Variants in PARN observed in about 807,000 individuals in gnomAD.
PARN encodes the protein poly(A)-specific ribonuclease PARN.
Under a neutral mutation model 102.8 loss-of-function variants are expected in PARN, and 71 were observed. The observed-to-expected ratio is 0.69, with a 90% CI of 0.57 to 0.84. The LOEUF (loss-of-function observed/expected upper bound fraction) is 0.84, where lower values mean the gene tolerates loss of function less well. Among genes scored for constraint, PARN ranks in the 40% least tolerant of loss-of-function variants. The probability of loss-of-function intolerance (pLI) is 0.00; values close to 1 mark genes in which losing one functional copy is unlikely to be tolerated. For synonymous variants in PARN, 261 were observed against 252.9 expected, an observed-to-expected ratio of 1.03 and a Z score of -0.30; for missense variants, 782 against 760.9, an observed-to-expected ratio of 1.03 and a Z score of -0.33.
At chr16:14,629,826 G>GGACTT in intron 1 of PARN, among the ~76,000 whole-genome samples, 152 bp from the exon 2 acceptor site, 1 of 152,344 alleles carries the variant, frequency 6.6e-6, no homozygotes, top group East Asian at 1.9e-4. Flanking sequence ...AAGTCCTCGA[G>GGACTT]GGGTGCATGG....
chr16:14,532,786 G>GGGC (rs1243265461), intron 21 of PARN, among the ~76,000 whole-genome samples: 2 of 150,914 alleles, frequency 1.3e-5, no homozygotes, highest in East Asian at 4.0e-4. Context: ...CTCCTGGACG[G>GGGC]GGCGGCTGGC....
chr16:14,577,391 T>C (rs1345568053), intron 18 of PARN, among the ~76,000 whole-genome samples: 3 of 152,050 alleles, frequency 2.0e-5, no homozygotes, highest in Admixed American at 2.0e-4. Context: ...GAAGCAATTG[T>C]TTTTCCTTCT....
intron 7 of PARN, among the ~76,000 whole-genome samples, chr16:14,609,481 G>A (rs956859575): frequency 1.2e-4 from 18 of 152,070 alleles, no homozygotes; most frequent in Non-Finnish European, 2.5e-4. Flanking sequence ...GGAGGTGGGA[G>A]GATCACCTGA....
intron 22 of PARN, among the ~76,000 whole-genome samples, chr16:14,477,699 A>G (rs762966643): frequency 2.6e-5 from 4 of 151,546 alleles, no homozygotes; most frequent in Non-Finnish European, 5.9e-5. Context: ...AAATTGCTTG[A>G]ACCAGGGAGT....
chr16:14,485,977 C>A (rs114410910), intron 21 of PARN, among the ~76,000 whole-genome samples: 2 of 152,174 alleles, frequency 1.3e-5, no homozygotes, highest in Non-Finnish European at 2.9e-5. Flanking sequence ...CGTGAGCCAC[C>A]GTGCCTGGCC....
At chr16:14,547,080 G>C (rs1386179968) in intron 21 of PARN, among the ~76,000 whole-genome samples, 4 of 148,338 alleles carry the variant, frequency 2.7e-5, no homozygotes, top group Admixed American at 1.4e-4. Context: ...GCAACAGAGA[G>C]AGACCCTGTC....
chr16:14,543,412 T>G (rs1204246673), intron 21 of PARN, among the ~76,000 whole-genome samples: 3 of 152,012 alleles, frequency 2.0e-5, no homozygotes, highest in Non-Finnish European at 4.4e-5. Flanking sequence ...AATATCTGAC[T>G]AAATATTTTC....
chr16:14,544,826 C>T (rs1371398681), intron 21 of PARN, among the ~76,000 whole-genome samples: 3 of 152,142 alleles, frequency 2.0e-5, no homozygotes, highest in African/African-American at 7.2e-5. Flanking sequence ...GACAATTCTA[C>T]AATCACAGGC....
intron 2 of PARN, among the ~76,000 whole-genome samples, chr16:14,629,199 G>A (rs1461749535): frequency 6.6e-6 from 1 of 152,192 alleles, no homozygotes; most frequent in Non-Finnish European, 1.5e-5. Context: ...GATGGATGGT[G>A]ATGTTTGCAC....
intron 22 of PARN, among the ~76,000 whole-genome samples, chr16:14,456,978 G>A (rs994033363): frequency 6.6e-6 from 1 of 152,126 alleles, no homozygotes; most frequent in Non-Finnish European, 1.5e-5. Flanking sequence ...CGTTCCATGA[G>A]AGCAGGCTCT....
chr16:14,612,690 C>T (rs1971590038), intron 6 of PARN, among the ~76,000 whole-genome samples: 2 of 151,812 alleles, frequency 1.3e-5, no homozygotes, highest in Non-Finnish European at 2.9e-5. Flanking sequence ...CGCCACCTCT[C>T]GGGTTCAGGC....
intron 21 of PARN, among the ~76,000 whole-genome samples, chr16:14,487,274 C>T (rs1963764581): frequency 6.6e-6 from 1 of 152,218 alleles, no homozygotes; most frequent in Non-Finnish European, 1.5e-5. Context: ...CAGGATGTGG[C>T]ATTTATATAT....
At chr16:14,587,105 ATTCATGC>A (rs2151758200) in intron 13 of PARN, among the ~76,000 whole-genome samples, 1 of 152,330 alleles carries the variant, frequency 6.6e-6, no homozygotes, top group Admixed American at 6.5e-5. Context: ...CTTCAATGTT[ATTCATGC>A]TTCATAGGAA....
chr16:14,499,926 AT>A (rs758025799), intron 21 of PARN, among the ~76,000 whole-genome samples: 56 of 152,388 alleles, frequency 3.7e-4, no homozygotes, highest in South Asian at 1.2e-3. Context: ...TGAATATTTT[AT>A]AACATTGTAT....
At chr16:14,559,075 TG>T (rs1305710450) in intron 18 of PARN, among the ~76,000 whole-genome samples, 2 of 152,034 alleles carry the variant, frequency 1.3e-5, no homozygotes, top group Non-Finnish European at 2.9e-5. Flanking sequence ...TTGCAATTCT[TG>T]TATTTCTGTT....
At chr16:14,537,712 T>C (rs575763033) in intron 21 of PARN, among the ~76,000 whole-genome samples, 34 of 152,190 alleles carry the variant, frequency 2.2e-4, no homozygotes, top group Non-Finnish European at 3.5e-4. Flanking sequence ...CTGATTCGTA[T>C]GTGGGAGCCG....
chr16:14,438,276 T>C (rs961431630), intron 23 of PARN, among the ~76,000 whole-genome samples: 8 of 152,160 alleles, frequency 5.3e-5, no homozygotes, highest in Non-Finnish European at 7.4e-5. Flanking sequence ...GAAAGAAATA[T>C]TGCAGTAGCC....
rs551352962 is a variant in PARN, at chr16:14,588,887, A to C, written c.919-2526T>G. ...CAGAGTGAGACTCTGTCTCAAAAAAACAAATGAACAGGCTGGGCGTGGTGG... is the reference window on the plus strand; with the variant it reads ...CAGAGTGAGACTCTGTCTCAAAAAACCAAATGAACAGGCTGGGCGTGGTGG... On this transcript the variant is annotated intron_variant, in intron 13 of 23. Coordinates refer to ENST00000437198, the MANE Select transcript of PARN (RefSeq NM_002582.4). Among the ~76,000 whole-genome samples, 14 of 151,392 alleles carry C rather than the reference A, an allele frequency of 9.2e-5. No individual in the cohort carries two copies. The East Asian group carries it at 2.7e-3, about 30-fold the overall frequency.
chr16:14,493,832 C>G (rs1259063029), intron 21 of PARN, among the ~76,000 whole-genome samples: 1 of 152,200 alleles, frequency 6.6e-6, no homozygotes, highest in Non-Finnish European at 1.5e-5. Flanking sequence ...AGGAACCCTG[C>G]TTTGATTAGC....
Sources: gnomAD v4.1 joint callset for allele counts (sites outside exome capture counted in the v4.1 genomes callset) on GRCh38, gnomAD v4.1.1 for gene constraint, MANE v1.5 for transcripts, NCBI Gene and HGNC (gene_info 2026-07-23, HGNC 2026-07-21) for gene names.